The following PRDM2 variants were observed in gnomAD, a reference collection of about 807,000 sequenced individuals.
PRDM2 encodes the protein PR domain zinc finger protein 2.
PRDM2 carries 30 observed loss-of-function variants against 130.0 expected under a neutral mutation model. The observed-to-expected ratio is 0.23, with a 90% CI of 0.17 to 0.31. PRDM2 has a LOEUF of 0.31. Ranked by LOEUF, PRDM2 falls within the 10% of genes least tolerant of loss-of-function variation. PRDM2 has a pLI of 1.00. For synonymous variants in PRDM2, 871 were observed against 782.4 expected (o/e 1.11, Z -1.89); for missense variants, 2,011 against 2,108.4 (o/e 0.95, Z 0.90).
chr1:13,782,976 G>A, intron 8 of PRDM2, 145 bp downstream of exon 8: 2 of 1,514,734 alleles, frequency 1.3e-6, no homozygotes, highest in Non-Finnish European at 1.8e-6. Flanking sequence ...GGCATGAAGG[G>A]TCATTGCTTT....
chr1:13,751,569 G>A (rs1160413119), intron 6 of PRDM2, among the ~76,000 whole-genome samples: 2 of 145,396 alleles, frequency 1.4e-5, no homozygotes, highest in Non-Finnish European at 3.0e-5. Context: ...TAGGTCTTAT[G>A]TGTGACCTCA....
intron 5 of PRDM2, among the ~76,000 whole-genome samples, chr1:13,745,767 T>C (rs997886319): frequency 2.0e-5 from 3 of 152,162 alleles, no homozygotes; most frequent in African/African-American, 7.2e-5. Context: ...AAAGCCCATG[T>C]GGCTGTAGGG....
intron 5 of PRDM2, among the ~76,000 whole-genome samples, chr1:13,747,158 T>C (rs991778973): frequency 2.0e-5 from 3 of 152,360 alleles, no homozygotes; most frequent in African/African-American, 7.2e-5. Context: ...TGGTATCTTC[T>C]AGCCAGTTCT....
chr1:13,711,839 C>G (rs923989624), intron 1 of PRDM2, among the ~76,000 whole-genome samples: 2 of 152,076 alleles, frequency 1.3e-5, no homozygotes, highest in African/African-American at 4.8e-5. Context: ...GAGGCTCTCC[C>G]CACACAGATA....
intron 5 of PRDM2, 54 bp downstream of exon 5, chr1:13,742,211 T>C: frequency 1.3e-6 from 2 of 1,572,280 alleles, no homozygotes; most frequent in South Asian, 1.1e-5. Context: ...GTTTTCCTTT[T>C]TCTTTTTTTG....
rs571206676 is a variant in PRDM2, at chr1:13,763,535, T to C, written c.512-9543T>C. On this transcript the variant is annotated intron_variant, in intron 6 of 9. Coordinates refer to ENST00000311066, the MANE Select transcript of PRDM2 (RefSeq NM_001393986.1). ...TTTCCTGAGTTTTATGGGTAGGCAGTAGACAAGAGAGAAACACTTGAGCAG... is the reference window on the plus strand; with the variant it reads ...TTTCCTGAGTTTTATGGGTAGGCAGCAGACAAGAGAGAAACACTTGAGCAG... Among the ~76,000 whole-genome samples, 3 of 152,318 alleles carry C rather than the reference T, an allele frequency of 2.0e-5. No homozygotes were observed. The East Asian group carries it at 5.8e-4, about 29-fold the overall frequency.
At chr1:13,734,978 AC>A (rs147890771) in intron 4 of PRDM2, among the ~76,000 whole-genome samples, 2,735 of 152,272 alleles carry the variant, frequency 0.018, 63 homozygotes, top group South Asian at 0.12. Flanking sequence ...CTCTGCTCTT[AC>A]CCTCAGACCT....
intron 8 of PRDM2, chr1:13,787,845 A>G (rs542811765): frequency 2.0e-6 from 2 of 983,008 alleles, no homozygotes; most frequent in Admixed American, 1.2e-4. Context: ...TTGACATACA[A>G]AAAGGGGTTG....
intron 6 of PRDM2, chr1:13,770,454 ACTTGG>A (rs1273510969): frequency 3.3e-5 from 9 of 273,636 alleles, no homozygotes; most frequent in African/African-American, 1.9e-4. Context: ...AGAACAGTGT[ACTTGG>A]CTTTTTATAT....
chr1:13,746,504 TTTG>T (rs1643610620), intron 5 of PRDM2, among the ~76,000 whole-genome samples: 1 of 151,196 alleles, frequency 6.6e-6, no homozygotes, highest in Non-Finnish European at 1.5e-5. Flanking sequence ...GCTAATAATT[TTTG>T]TTTTGTTTTC....
intron 8 of PRDM2, chr1:13,783,264 C>G: frequency 1.1e-5 from 5 of 449,426 alleles, no homozygotes; most frequent in South Asian, 8.0e-5. Context: ...TTTAATATTT[C>G]TGTGACTTCA....
At chr1:13,741,637 A>C (rs1166161095) in intron 4 of PRDM2, among the ~76,000 whole-genome samples, 1 of 151,858 alleles carries the variant, frequency 6.6e-6, no homozygotes, top group Non-Finnish European at 1.5e-5. Context: ...CACACTTTAC[A>C]GAGCATAGTT....
chr1:13,723,424 G>A (rs1642799162), intron 2 of PRDM2, among the ~76,000 whole-genome samples: 1 of 152,220 alleles, frequency 6.6e-6, no homozygotes, highest in African/African-American at 2.4e-5. Flanking sequence ...AATATGTGCA[G>A]GATGATTGGA....
intron 7 of PRDM2, chr1:13,773,686 C>T (rs1222475881): frequency 6.6e-6 from 1 of 152,140 alleles, no homozygotes; most frequent in Non-Finnish European, 1.5e-5. Context: ...TGTACTCCAG[C>T]CTGGGTGACA....
Position 13,808,797 on chromosome 1 carries a change from C to A in PRDM2, c.5037-7630C>A, listed in dbSNP as rs563904818. On this transcript the variant is annotated intron_variant, in intron 8 of 9. Coordinates refer to ENST00000311066, the MANE Select transcript of PRDM2 (RefSeq NM_001393986.1). The stretch of plus-strand genomic sequence containing the variant: ...CTCTGCCATCAGAGACCTTACGGCC[C>A]CCTGGGGAGACCTGCCTTTATCAGA... 1.3e-4 allele frequency among the ~76,000 whole-genome samples: 20 copies of A among 152,296 alleles called. No homozygotes were observed. The South Asian group carries it at 4.1e-3, about 32-fold the overall frequency.
chr1:13,786,954 T>G lies in PRDM2; in HGVS notation c.5036+4123T>G, dbSNP rs1024569860. 8.1e-6 allele frequency: 8 copies of G among 992,512 alleles called. No individual in the cohort carries two copies. In the African/African-American group the frequency reaches 1.4e-4, roughly 17 times the overall value. The allele number at this position is 992,512 out of a possible 1,614,324, so 61.5% of individuals were successfully genotyped here. ...GATGACAGATTTGGATGCACTCATT[T>G]AAAACGTTTTGGTCACATATCAGCT... On this transcript the variant is annotated intron_variant, in intron 8 of 9. Transcript: ENST00000311066.
intron 6 of PRDM2, among the ~76,000 whole-genome samples, chr1:13,766,237 G>C (rs1178253635): frequency 6.6e-6 from 1 of 152,170 alleles, no homozygotes; most frequent in Non-Finnish European, 1.5e-5. Flanking sequence ...TAGTGTGAAA[G>C]CATGGTTCCA....
At chr1:13,820,058 A>G in intron 9 of PRDM2, among the ~76,000 whole-genome samples, 1 of 152,202 alleles carries the variant, frequency 6.6e-6, no homozygotes, top group East Asian at 1.9e-4. Context: ...CCCTCATTTT[A>G]CAGAGACGGA....
chr1:13,808,553 T>G (rs1241718691), intron 8 of PRDM2, among the ~76,000 whole-genome samples: 1 of 152,138 alleles, frequency 6.6e-6, no homozygotes, highest in Non-Finnish European at 1.5e-5. Flanking sequence ...TCATTCATTT[T>G]GCCGGGATTT....
Sources: allele counts gnomAD v4.1 joint callset (sites outside exome capture counted in the v4.1 genomes callset), GRCh38; gene constraint gnomAD v4.1.1; transcripts MANE v1.5; gene names NCBI Gene and HGNC (gene_info 2026-07-23, HGNC 2026-07-21).